Variants in CDH18 observed in about 807,000 individuals in gnomAD.
The protein encoded by CDH18 is cadherin-18.
CDH18 carries 31 observed loss-of-function variants against 67.9 expected under a neutral mutation model. That is an observed-to-expected ratio of 0.46 (90% CI 0.34 to 0.62). The LOEUF is 0.62. Ranked by LOEUF, CDH18 falls within the 20% of genes least tolerant of loss-of-function variation. CDH18 has a pLI of 0.01. For synonymous variants in CDH18, 362 were observed against 347.2 expected (o/e 1.04, Z -0.48); for missense variants, 890 against 975.5 (o/e 0.91, Z 1.17).
At chr5:19,975,635 A>T (rs1798429201) in intron 2 of CDH18, among the ~76,000 whole-genome samples, 1 of 152,164 alleles carries the variant, frequency 6.6e-6, no homozygotes, top group African/African-American at 2.4e-5. Context: ...GTTGGTAATA[A>T]ATTAGAGATA....
At chr5:19,565,186 C>T (rs1256504508) in intron 8 of CDH18, among the ~76,000 whole-genome samples, 1 of 152,072 alleles carries the variant, frequency 6.6e-6, no homozygotes, top group East Asian at 1.9e-4. Flanking sequence ...AGCCCTGGGC[C>T]TTAAGGGAAT....
At chr5:19,836,676 G>A (rs1010292942) in intron 3 of CDH18, among the ~76,000 whole-genome samples, 1 of 152,038 alleles carries the variant, frequency 6.6e-6, no homozygotes, top group African/African-American at 2.4e-5. Context: ...ACTTTAATTA[G>A]ATTTCATTTG....
intron 1 of CDH18, among the ~76,000 whole-genome samples, chr5:20,387,671 T>G (rs1744425751): frequency 6.6e-6 from 1 of 152,116 alleles, no homozygotes; most frequent in Non-Finnish European, 1.5e-5. Context: ...TGCTTCCAGT[T>G]TTTGCCCATT....
At chr5:19,593,696 T>TTCCTCCTCCGCCTCC in intron 6 of CDH18, among the ~76,000 whole-genome samples, 1 of 16,870 alleles carries the variant, frequency 5.9e-5, no homozygotes, top group Admixed American at 5.8e-4. Context: ...TCTCTTCCTC[T>TTCCTCCTCCGCCTCC]TCCTCCTCCT....
chr5:20,566,411 G>A (rs1379757619), intron 1 of CDH18, among the ~76,000 whole-genome samples: 1 of 142,730 alleles, frequency 7.0e-6, no homozygotes, highest in East Asian at 2.1e-4. Flanking sequence ...CCATGTTGGA[G>A]TGCAGTGGTG....
chr5:20,462,741 C>A (rs1325778697), intron 1 of CDH18, among the ~76,000 whole-genome samples: 1 of 152,048 alleles, frequency 6.6e-6, no homozygotes, highest in Non-Finnish European at 1.5e-5. Flanking sequence ...ATGCAGTCCA[C>A]AAAATCATAA....
chr5:19,813,010 A>C (rs191316184), intron 3 of CDH18, among the ~76,000 whole-genome samples: 105 of 152,276 alleles, frequency 6.9e-4, no homozygotes, highest in Non-Finnish European at 1.3e-3. Context: ...TGAAGCTGGA[A>C]ACCATCATTC....
intron 2 of CDH18, among the ~76,000 whole-genome samples, chr5:19,907,320 T>C (rs570685498): frequency 2.7e-4 from 41 of 152,052 alleles, no homozygotes; most frequent in African/African-American, 8.7e-4. Flanking sequence ...CAAAAGTGTT[T>C]TGGATTTGGG....
intron 2 of CDH18, among the ~76,000 whole-genome samples, chr5:19,960,632 T>TAC (rs1796741303): frequency 8.5e-6 from 1 of 118,076 alleles, no homozygotes; most frequent in Non-Finnish European, 1.5e-5. Context: ...TACACGTGTA[T>TAC]ATGTATACAT....
intron 7 of CDH18, among the ~76,000 whole-genome samples, chr5:19,585,625 T>C (rs752619566): frequency 1.3e-5 from 2 of 152,166 alleles, no homozygotes; most frequent in East Asian, 1.9e-4. Context: ...ATCAGTATCC[T>C]TGATGTCTTG....
intron 2 of CDH18, among the ~76,000 whole-genome samples, chr5:20,175,876 G>A (rs1023238153): frequency 3.3e-5 from 5 of 151,752 alleles, no homozygotes; most frequent in African/African-American, 1.2e-4. Context: ...ATCTCCTTTG[G>A]CAACACCCTC....
Position 19,703,155 on chromosome 5 carries a change from C to T in CDH18, c.643+18192G>A, listed in dbSNP as rs186665709. Among the ~76,000 whole-genome samples, 16 of 152,222 alleles carry T rather than the reference C, an allele frequency of 1.1e-4. 1 individual carries two copies. Among genetic ancestry groups the T allele is most frequent in the African/African-American group, 2.9e-4 (12 of 41,522 alleles). On this transcript the variant is annotated intron_variant, in intron 5 of 12. Coordinates refer to ENST00000382275, the MANE Select transcript of CDH18 (RefSeq NM_004934.5). ...TGTGTGTCTTTAATTCCTCTAGCTC[C>T]GCTGGGGTAGGGTCTCCACGACTGA...
chr5:20,538,898 G>GTTTGTTT (rs1756877907), intron 1 of CDH18, among the ~76,000 whole-genome samples: 2 of 106,772 alleles, frequency 1.9e-5, no homozygotes, highest in South Asian at 7.5e-4. Flanking sequence ...ATAGCCAACT[G>GTTTGTTT]TTTTTTTTTT....
chr5:20,290,056 T>C (rs1746991583), intron 1 of CDH18, among the ~76,000 whole-genome samples: 1 of 152,114 alleles, frequency 6.6e-6, no homozygotes, highest in Admixed American at 6.6e-5. Flanking sequence ...TCCTGACTAT[T>C]TCCCAAAGGC....
rs528659834 is a variant in CDH18, at chr5:19,539,352, A to G, written c.1390+4517T>C. Among the ~76,000 whole-genome samples, 4 of 152,318 alleles carry G rather than the reference A, an allele frequency of 2.6e-5. No individual in the cohort carries two copies. The East Asian group carries it at 7.7e-4, about 29-fold the overall frequency. On this transcript the variant is annotated intron_variant, in intron 9 of 12. Coordinates refer to ENST00000382275, the MANE Select transcript of CDH18 (RefSeq NM_004934.5). The stretch of plus-strand genomic sequence containing the variant: ...AAAATATACCTATATTTTACCAAGT[A>G]AATATATAATTAGGATGTTACTTAG...
At chr5:20,480,163 ATATT>A (rs1212967108) in intron 1 of CDH18, among the ~76,000 whole-genome samples, 1 of 152,204 alleles carries the variant, frequency 6.6e-6, no homozygotes, top group Non-Finnish European at 1.5e-5. Context: ...AAATAAAATA[ATATT>A]TATGAGCAAT....
At position 20,484,590 on chromosome 5, in the gene CDH18, T is replaced by C. The variant is rs375611945; in HGVS notation, c.-580+90872A>G. ...TGCTACATATACATAATGGAGTTAT[T>C]ATTTGGCCATAACAAAGAATGATGA... On this transcript the variant is annotated intron_variant, in intron 1 of 14. Transcript: ENST00000507958. 2.6e-5 allele frequency among the ~76,000 whole-genome samples: 4 copies of C among 152,172 alleles called. No homozygotes were observed. In the South Asian group the frequency reaches 6.2e-4, roughly 24 times the overall value.
chr5:19,837,987 A>C (rs1706509142), intron 3 of CDH18, among the ~76,000 whole-genome samples: 1 of 152,174 alleles, frequency 6.6e-6, no homozygotes, highest in Admixed American at 6.6e-5. Flanking sequence ...ACACATGCTT[A>C]AACTCTCCCA....
At chr5:20,507,776 C>T (rs567476674) in intron 1 of CDH18, among the ~76,000 whole-genome samples, 89 of 152,152 alleles carry the variant, frequency 5.8e-4, no homozygotes, top group African/African-American at 2.0e-3. Flanking sequence ...GATTTTCTCC[C>T]AAGGTTTAAT....
Sources: allele counts gnomAD v4.1 joint callset (sites outside exome capture counted in the v4.1 genomes callset), GRCh38; gene constraint gnomAD v4.1.1; transcripts MANE v1.5; gene names NCBI Gene and HGNC (gene_info 2026-07-23, HGNC 2026-07-21).